The following MYO1H variants were observed in gnomAD, a reference collection of about 807,000 sequenced individuals.
The protein encoded by MYO1H is unconventional myosin-Ih.
Under a neutral mutation model 149.3 loss-of-function variants are expected in MYO1H, and 118 were observed. That is an observed-to-expected ratio of 0.79 (90% CI 0.68 to 0.92). The LOEUF (loss-of-function observed/expected upper bound fraction) is 0.92, where lower values mean the gene tolerates loss of function less well. Among genes scored for constraint, MYO1H ranks in the 40% least tolerant of loss-of-function variants. The probability of loss-of-function intolerance (pLI) is 0.00; values close to 1 mark genes in which losing one functional copy is unlikely to be tolerated. For synonymous variants in MYO1H, 447 were observed against 465.2 expected, an observed-to-expected ratio of 0.96 and a Z score of 0.50; for missense variants, 1,212 against 1,280.7, an observed-to-expected ratio of 0.95 and a Z score of 0.82.
intron 17 of MYO1H, among the ~76,000 whole-genome samples, 165 bp downstream of exon 17, chr12:109,424,993 C>T (rs1871304779): frequency 3.9e-5 from 6 of 151,978 alleles, no homozygotes; most frequent in Admixed American, 3.3e-4. Flanking sequence ...AATCCCAGCA[C>T]TTTGGGAGCC....
intron 1 of MYO1H, among the ~76,000 whole-genome samples, chr12:109,349,503 A>AAC (rs1868409547): frequency 6.8e-6 from 1 of 147,278 alleles, no homozygotes; most frequent in African/African-American, 2.5e-5. Context: ...CCACCAAAAA[A>AAC]ATTAAAAAGT....
chr12:109,336,684 CTAGT>C, the MYO1H span, among the ~76,000 whole-genome samples: 57 of 152,292 alleles, frequency 3.7e-4, no homozygotes, highest in African/African-American at 1.2e-3. Context: ...CCTTGAGGCT[CTAGT>C]TAGTTAGTTA....
At chr12:109,439,497 T>TTGGCCTGTGGCCTACATTCC in intron 23 of MYO1H, 134 bp from the exon 24 acceptor site, 1 of 268,042 alleles carries the variant, frequency 3.7e-6, no homozygotes, top group Non-Finnish European at 6.3e-6. Context: ...TGGGGCAGAT[T>TTGGCCTGTGGCCTACATTCC]TGGCCTCTGG....
At chr12:109,427,507 T>C (rs1566038679) in exon 19 of MYO1H, 1 of 1,612,644 alleles carries the variant, frequency 6.2e-7, no homozygotes, top group Non-Finnish European at 8.5e-7. Flanking sequence ...TCAGATCAAA[T>C]ACCTGGGGCT....
chr12:109,315,017 G>A, the MYO1H span, among the ~76,000 whole-genome samples: 3 of 152,242 alleles, frequency 2.0e-5, no homozygotes, highest in South Asian at 2.1e-4. Context: ...TAGGAGGATC[G>A]CTTGAGCCCG....
chr12:109,445,568 C>T (rs758312607), exon 31 of MYO1H: 2 of 1,612,354 alleles, frequency 1.2e-6, no homozygotes, highest in Non-Finnish European at 1.7e-6. Context: ...CGACACTGGA[C>T]TGGAAGAACA....
At chr12:109,321,953 T>C in the MYO1H span, among the ~76,000 whole-genome samples, 2 of 152,002 alleles carry the variant, frequency 1.3e-5, no homozygotes, top group African/African-American at 2.4e-5. Flanking sequence ...CCCCAAGAAA[T>C]TGTACACAGG....
At chr12:109,327,128 C>CTTTTTTTTTTTTTTTT in the MYO1H span, among the ~76,000 whole-genome samples, 1 of 103,692 alleles carries the variant, frequency 9.6e-6, no homozygotes, top group African/African-American at 4.2e-5. Context: ...TTTTCTTTTT[C>CTTTTTTTTTTTTTTTT]TTTTTCTTTT....
chr12:109,396,030 T>C (rs977735138), intron 3 of MYO1H, among the ~76,000 whole-genome samples: 1 of 152,044 alleles, frequency 6.6e-6, no homozygotes, highest in Non-Finnish European at 1.5e-5. Context: ...GCAATTCTCC[T>C]GCCTCAGCCT....
chr12:109,381,435 A>G (rs1566021736), intron 1 of MYO1H, among the ~76,000 whole-genome samples: 1 of 152,184 alleles, frequency 6.6e-6, no homozygotes, highest in Admixed American at 6.5e-5. Context: ...TAATAAATTA[A>G]TTAAACTAAA....
the MYO1H span, among the ~76,000 whole-genome samples, chr12:109,340,084 C>G: frequency 6.6e-6 from 1 of 152,170 alleles, no homozygotes; most frequent in East Asian, 1.9e-4. Flanking sequence ...CTAGTTCAAT[C>G]TTCTATGGAG....
exon 20 of MYO1H, chr12:109,432,990 C>A: frequency 6.2e-7 from 1 of 1,613,950 alleles, no homozygotes; most frequent in South Asian, 1.1e-5. Context: ...GCTACAAACC[C>A]GAGGAATACA....
intron 10 of MYO1H, among the ~76,000 whole-genome samples, chr12:109,408,508 TA>T: frequency 6.6e-6 from 1 of 152,182 alleles, no homozygotes. Context: ...CCTGACATTT[TA>T]AAAATTTCAA....
chr12:109,440,958 A>G, intron 25 of MYO1H, 131 bp downstream of exon 25: 3 of 694,304 alleles, frequency 4.3e-6, no homozygotes, highest in Non-Finnish European at 5.0e-6. Context: ...TGAAATGTTC[A>G]AGATAATTGC....
At position 109,403,920 on chromosome 12, in the gene MYO1H, A is replaced by G. The variant is rs1870267898; in HGVS notation, c.751-62A>G. The G allele has an allele frequency of 5.4e-6, 6 of 1,115,512 alleles. No homozygotes were observed. In the East Asian group the frequency reaches 1.5e-4, roughly 27 times the overall value. 69.1% of individuals were successfully genotyped at this position (1,115,512 alleles called of 1,614,324 possible). ...CTAGCTTTTGCATCTTCAGAGAGGA[A>G]TAGACATGCTTAATTGCCCCTATAA... On this transcript the variant is annotated intron_variant, in intron 6 of 31. Transcript: ENST00000310903.
chr12:109,351,062 C>T (rs763193133), intron 1 of MYO1H, among the ~76,000 whole-genome samples: 15 of 152,194 alleles, frequency 9.9e-5, no homozygotes, highest in Non-Finnish European at 1.3e-4. Flanking sequence ...CTTGAATAGA[C>T]TCATTCTCAT....
In MYO1H at chr12:109,404,438, T is replaced by C. The variant is rs138055550; in HGVS notation, c.849+358T>C. On this transcript the variant is annotated intron_variant, in intron 7 of 31. Transcript: ENST00000310903. Reference sequence around the variant, plus strand: ...TGGAGGTTGCAATGAGCCGAGATTGTGCCACTGCACTCCAGCCTGGGTGAC... The same window carrying C: ...TGGAGGTTGCAATGAGCCGAGATTGCGCCACTGCACTCCAGCCTGGGTGAC... 6.1e-4 allele frequency among the ~76,000 whole-genome samples: 93 copies of C among 152,304 alleles called. 1 individual carries two copies. Among genetic ancestry groups the C allele is most frequent in the African/African-American group, 2.2e-3 (90 of 41,576 alleles).
intron 1 of MYO1H, among the ~76,000 whole-genome samples, chr12:109,349,727 G>A (rs373429642): frequency 0.01 from 1,521 of 150,798 alleles, 26 homozygotes; most frequent in African/African-American, 0.035. Flanking sequence ...TTGGGAGGCC[G>A]AGGCAGGCAG....
At chr12:109,436,597 C>A in intron 22 of MYO1H, 41 bp downstream of exon 22, 2 of 1,430,836 alleles carry the variant, frequency 1.4e-6, no homozygotes, top group South Asian at 1.2e-5. Context: ...CTCCCTTTCT[C>A]ATCTGCTTGG....
Sources: allele counts gnomAD v4.1 joint callset (sites outside exome capture counted in the v4.1 genomes callset), GRCh38; gene constraint gnomAD v4.1.1; transcripts MANE v1.5; gene names NCBI Gene and HGNC (gene_info 2026-07-23, HGNC 2026-07-21).